The following PGBD2 variants were observed in gnomAD, a reference collection of about 807,000 sequenced individuals.
The protein encoded by PGBD2 is piggyBac transposable element-derived protein 2.
PGBD2 carries 6 observed loss-of-function variants against 8.1 expected under a neutral mutation model. The ratio of observed to expected loss-of-function variants is 0.74; its 90% CI spans 0.40 to 1.46. The LOEUF is 1.46. PGBD2 is among the 40% of genes most tolerant of loss of function. PGBD2 has a pLI of 0.02. For missense variants in PGBD2, 802 were observed against 739.0 expected (o/e 1.09, Z -0.99); for synonymous variants, 318 against 272.2 (o/e 1.17, Z -1.66).
chr1:248,923,828 A>C (rs1334898706), downstream of PGBD2, among the ~76,000 whole-genome samples: 1 of 152,158 alleles, frequency 6.6e-6, no homozygotes, highest in South Asian at 2.1e-4. Context: ...ATCCAGCCCC[A>C]CTCAGTGAGA....
At chr1:248,913,399 G>A (rs927008720) in intron 1 of PGBD2, among the ~76,000 whole-genome samples, 1 of 152,212 alleles carries the variant, frequency 6.6e-6, no homozygotes, top group South Asian at 2.1e-4. Context: ...TCTGTCTGCT[G>A]TCTAGGTAGT....
chr1:248,903,057 C>T (rs1661561850), upstream of PGBD2, among the ~76,000 whole-genome samples: 1 of 152,116 alleles, frequency 6.6e-6, no homozygotes, highest in Non-Finnish European at 1.5e-5. Flanking sequence ...GAGATGGGAT[C>T]TTCCTATATT....
At chr1:248,911,040 C>T (rs562954614) in intron 1 of PGBD2, among the ~76,000 whole-genome samples, 7 of 152,128 alleles carry the variant, frequency 4.6e-5, no homozygotes, top group African/African-American at 1.2e-4. Context: ...CCCTATTTGC[C>T]CCCCCATCTC....
At position 248,916,684 on chromosome 1, in the gene PGBD2, G is replaced by C. The variant is rs767689501; in HGVS notation, c.100G>C (p.Glu34Gln). Residue 34 changes from glutamate (E) to glutamine (Q), a missense_variant, in exon 3 of 3, where the codon GAG becomes CAG. Transcript: ENST00000329291. ...GGTTCTGAATGCTATGGAGGAGGAA[G>C]AGTCCAACAACAACAGGGAAGAGAT... ...LEVLNAMEEEESNNNREEIFI... is the reference protein window; with the variant it reads ...LEVLNAMEEEQSNNNREEIFI... 1.2e-6 allele frequency: 2 copies of C among 1,614,186 alleles called. No individual in the cohort carries two copies. The highest frequency in any genetic ancestry group is 1.7e-6 in the Non-Finnish European group (2 of 1,180,036).
At chr1:248,890,483 C>T in the PGBD2 span, among the ~76,000 whole-genome samples, 1 of 152,090 alleles carries the variant, frequency 6.6e-6, no homozygotes, top group Non-Finnish European at 1.5e-5. Context: ...CAAGTTTAGG[C>T]TGCCTGGCTC....
At chr1:248,890,813 C>T in the PGBD2 span, among the ~76,000 whole-genome samples, 28 of 151,312 alleles carry the variant, frequency 1.9e-4, no homozygotes, top group Non-Finnish European at 1.9e-4. Context: ...ACACCACACA[C>T]ACAACATACA....
chr1:248,892,329 A>G, the PGBD2 span, among the ~76,000 whole-genome samples: 1 of 120,928 alleles, frequency 8.3e-6, no homozygotes, highest in East Asian at 2.6e-4. Flanking sequence ...TCTTCCTTTT[A>G]CTTTATTTCT....
chr1:248,890,030 T>C, the PGBD2 span, among the ~76,000 whole-genome samples: 2 of 151,334 alleles, frequency 1.3e-5, no homozygotes, highest in Non-Finnish European at 2.9e-5. Flanking sequence ...CGGGTTCAAG[T>C]GATTCTCCTG....
the PGBD2 span, among the ~76,000 whole-genome samples, chr1:248,894,299 CCTGT>C: frequency 2.6e-5 from 4 of 151,214 alleles, no homozygotes; most frequent in African/African-American, 2.4e-5. Flanking sequence ...GTTTTTTTTG[CCTGT>C]CTTTTTGCTG....
At position 248,917,434 on chromosome 1, in the gene PGBD2, C is replaced by T. The variant is rs1394566016; in HGVS notation, c.850C>T (p.Leu284=). 6.2e-7 allele frequency: 1 copy of T among 1,614,138 alleles called. No individual in the cohort carries two copies. The highest frequency in any genetic ancestry group is 8.5e-7 in the Non-Finnish European group (1 of 1,180,024). Reference sequence around the variant, plus strand: ...CTTTGGGCACCGGGGGTCCAAGCAGCTGCACAGGGGGAAGCCTGTGCGACT... The same window carrying T: ...CTTTGGGCACCGGGGGTCCAAGCAGTTGCACAGGGGGAAGCCTGTGCGACT... The part of the protein sequence containing the change: ...EYFGHRGSKQ[L]HRGKPVRLGY... Residue 284 remains leucine, a synonymous_variant, in exon 3 of 3, where the codon CTG becomes TTG. Coordinates refer to ENST00000329291, the MANE Select transcript of PGBD2 (RefSeq NM_170725.3).
Position 248,917,658 on chromosome 1 carries a change from A to G in PGBD2, c.1074A>G (p.Lys358=). The G allele has an allele frequency of 6.2e-7, 1 of 1,614,182 alleles. No homozygotes were observed. The highest frequency in any genetic ancestry group is 8.5e-7 in the Non-Finnish European group (1 of 1,180,032). The stretch of plus-strand genomic sequence containing the variant: ...TTGACAAGGTTTTCACAAGTGTTAA[A>G]CTGATGTCCATTTTGAGGAAAAAGG... ...IFFDKVFTSV[K]LMSILRKKGV... Residue 358 remains lysine, a synonymous_variant, in exon 3 of 3, where the codon AAA becomes AAG. Transcript: ENST00000329291.
At chr1:248,890,989 A>G in the PGBD2 span, among the ~76,000 whole-genome samples, 1 of 151,696 alleles carries the variant, frequency 6.6e-6, no homozygotes, top group South Asian at 2.1e-4. Context: ...CATCACAGAC[A>G]CACACATTCA....
At chr1:248,914,221 T>G (rs902967929) in intron 2 of PGBD2, among the ~76,000 whole-genome samples, 1 of 152,204 alleles carries the variant, frequency 6.6e-6, no homozygotes, top group African/African-American at 2.4e-5. Context: ...AACAGTCATG[T>G]GCAGAAGTTG....
intron 1 of PGBD2, among the ~76,000 whole-genome samples, chr1:248,910,642 C>T (rs556959826): frequency 1.3e-5 from 2 of 152,318 alleles, no homozygotes; most frequent in South Asian, 4.1e-4. Context: ...CCTCACACAC[C>T]TGGCATCTGC....
chr1:248,906,108 C>T (rs1362561300), upstream of PGBD2: 1 of 149,492 alleles, frequency 6.7e-6, no homozygotes, highest in Non-Finnish European at 1.5e-5. Flanking sequence ...GCCTCGCAGG[C>T]GTTTTCGGGA....
At position 248,917,570 on chromosome 1, in the gene PGBD2, G is replaced by C; in HGVS notation, c.986G>C (p.Ser329Thr). The part of the protein sequence containing the change: ...KPDRSLDLGG[S>T]MVIKFVDALQ... The stretch of plus-strand genomic sequence containing the variant: ...GACAGGAGCTTGGATCTAGGAGGCA[G>C]TATGGTAATAAAATTTGTGGATGCG... The change falls in exon 3 of 3, where the codon AGT (serine) becomes ACT (threonine). Residue 329 changes from serine to threonine, a missense_variant. Physicochemically the swap from Ser to Thr is moderately conservative, Grantham distance 58 (BLOSUM62 1). Coordinates refer to ENST00000329291, the MANE Select transcript of PGBD2 (RefSeq NM_170725.3). The C allele has an allele frequency of 1.2e-6, 2 of 1,614,214 alleles. No individual in the cohort carries two copies. Among genetic ancestry groups the C allele is most frequent in the Non-Finnish European group, 1.7e-6 (2 of 1,180,040 alleles).
At chr1:248,910,209 A>G (rs1426021340) in intron 1 of PGBD2, among the ~76,000 whole-genome samples, 1 of 152,230 alleles carries the variant, frequency 6.6e-6, no homozygotes, top group East Asian at 1.9e-4. Context: ...AGCAAAATGT[A>G]TGGATATTTA....
Position 248,917,784 on chromosome 1 carries a change from C to G in PGBD2, c.1200C>G (p.Tyr400Ter), listed in dbSNP as rs1430316309. The G allele has an allele frequency of 6.2e-7, 1 of 1,614,082 alleles. No homozygotes were observed. The highest frequency in any genetic ancestry group is 8.5e-7 in the Non-Finnish European group (1 of 1,180,056). Residue 400 changes from tyrosine (Y) to a stop codon, truncating the protein, a stop_gained, in exon 3 of 3, where the codon TAC (tyrosine) becomes TAG (stop). Coordinates refer to ENST00000329291, the MANE Select transcript of PGBD2 (RefSeq NM_170725.3). LOFTEE classifies it low-confidence loss of function (END_TRUNC). Reference sequence around the variant, plus strand: ...AAATGAAGAGGGGTTCATTTGATTACAAAGTCGATGAGAGTGAGGAGATCA... The same window carrying G: ...AAATGAAGAGGGGTTCATTTGATTAGAAAGTCGATGAGAGTGAGGAGATCA... ...LKKMKRGSFD[Y>*]KVDESEEIIV...
downstream of PGBD2, among the ~76,000 whole-genome samples, chr1:248,920,831 C>T (rs1662269763): frequency 6.6e-6 from 1 of 152,154 alleles, no homozygotes; most frequent in African/African-American, 2.4e-5. Context: ...TTAATGATCG[C>T]CATTCTAACT....
Sources: allele counts gnomAD v4.1 joint callset (sites outside exome capture counted in the v4.1 genomes callset), GRCh38; gene constraint gnomAD v4.1.1; transcripts MANE v1.5; gene names NCBI Gene and HGNC (gene_info 2026-07-23, HGNC 2026-07-21).